The following SIPA1L3 variants were observed in gnomAD, a reference collection of about 807,000 sequenced individuals.
SIPA1L3 encodes signal-induced proliferation-associated 1-like protein 3.
A neutral mutation model predicts 150.1 loss-of-function variants in SIPA1L3; 59 were observed. The ratio of observed to expected loss-of-function variants is 0.39; its 90% confidence interval spans 0.32 to 0.49. The LOEUF (loss-of-function observed/expected upper bound fraction) is 0.49. Among genes scored for constraint, SIPA1L3 ranks in the 20% least tolerant of loss-of-function variants. The pLI is 0.86. For synonymous variants in SIPA1L3, 1,070 were observed against 1,077.6 expected (o/e 0.99, Z 0.14); for missense variants, 2,211 against 2,489.5 (o/e 0.89, Z 2.38).
At chr19:38,172,611 C>G (rs942772800) in intron 15 of SIPA1L3, among the ~76,000 whole-genome samples, 10 of 152,074 alleles carry the variant, frequency 6.6e-5, no homozygotes, top group Admixed American at 5.2e-4. Context: ...TGAACTTACT[C>G]TCAATGCTCC....
chr19:38,116,256 TCC>T (rs1446446448), intron 8 of SIPA1L3, among the ~76,000 whole-genome samples: 6 of 152,064 alleles, frequency 3.9e-5, no homozygotes, highest in Non-Finnish European at 8.8e-5. Flanking sequence ...ACACCTGTAA[TCC>T]CAGCACTTTG....
In SIPA1L3 at chr19:38,119,869, T is replaced by C; in HGVS notation, c.2855T>C (p.Val952Ala). Residue 952 changes from valine to alanine, a missense_variant, in exon 9 of 22, where the codon GTG (valine) becomes GCG (alanine). Physicochemically the swap from Val to Ala is moderately conservative, Grantham distance 64. This residue lies in a region of SIPA1L3 where 625 missense variants were observed against 804.2 expected (regional missense o/e 0.78). Coordinates refer to ENST00000222345, the MANE Select transcript of SIPA1L3 (RefSeq NM_015073.3). ...EGSVEDIREI[V>A]QRLKVMTSGW... Reference sequence around the variant, plus strand: ...TCTGTGGAGGACATAAGGGAGATAGTGCAGAGACTGAAGGTAAGGGAGAGA... The same window carrying C: ...TCTGTGGAGGACATAAGGGAGATAGCGCAGAGACTGAAGGTAAGGGAGAGA... The C allele has an allele frequency of 1.9e-6, 3 of 1,606,590 alleles. No individual in the cohort carries two copies. Among genetic ancestry groups the C allele is most frequent in the Non-Finnish European group, 2.5e-6 (3 of 1,177,062 alleles).
intron 1 of SIPA1L3, among the ~76,000 whole-genome samples, chr19:37,971,754 A>G (rs1966945008): frequency 6.6e-6 from 1 of 151,856 alleles, no homozygotes; most frequent in Non-Finnish European, 1.5e-5. Flanking sequence ...TTTATTAGAG[A>G]CGGGGTTTCA....
At chr19:38,161,057 T>C (rs185536412) in intron 13 of SIPA1L3, among the ~76,000 whole-genome samples, 16 of 152,238 alleles carry the variant, frequency 1.1e-4, no homozygotes, top group Admixed American at 9.2e-4. Context: ...TTTAAAAAAG[T>C]TGTGGGCCGG....
chr19:37,981,060 C>T (rs1200107919), intron 1 of SIPA1L3, among the ~76,000 whole-genome samples: 1 of 152,200 alleles, frequency 6.6e-6, no homozygotes, highest in African/African-American at 2.4e-5. Context: ...ATAGTGAGTG[C>T]TCAAGATGTG....
intron 10 of SIPA1L3, among the ~76,000 whole-genome samples, chr19:38,132,768 C>G (rs1971343371): frequency 6.6e-6 from 1 of 151,450 alleles, no homozygotes; most frequent in South Asian, 2.1e-4. Context: ...CTGTGTCAGC[C>G]TCCTGAGTAG....
At chr19:38,113,855 G>A (rs1006657805) in intron 8 of SIPA1L3, among the ~76,000 whole-genome samples, 2 of 152,068 alleles carry the variant, frequency 1.3e-5, no homozygotes, top group South Asian at 2.1e-4. Flanking sequence ...TGGTGATCAG[G>A]TGACCACCAG....
chr19:37,920,850 G>A (rs1364199189), intron 1 of SIPA1L3, among the ~76,000 whole-genome samples: 1 of 152,230 alleles, frequency 6.6e-6, no homozygotes, highest in Non-Finnish European at 1.5e-5. Context: ...AGCGAACACC[G>A]TGGCACTGGC....
chr19:37,974,007 C>T (rs1967012917), intron 1 of SIPA1L3, among the ~76,000 whole-genome samples: 1 of 152,174 alleles, frequency 6.6e-6, no homozygotes, highest in Non-Finnish European at 1.5e-5. Context: ...AGCAAATTAA[C>T]AGGACATGGG....
At chr19:38,086,170 G>T (rs1457417550) in intron 3 of SIPA1L3, among the ~76,000 whole-genome samples, 1 of 151,996 alleles carries the variant, frequency 6.6e-6, no homozygotes, top group African/African-American at 2.4e-5. Context: ...CACTGTATAT[G>T]TATTAACTTT....
chr19:38,044,543 A>G (rs1450251833), intron 2 of SIPA1L3, among the ~76,000 whole-genome samples: 1 of 152,054 alleles, frequency 6.6e-6, no homozygotes, highest in East Asian at 1.9e-4. Flanking sequence ...TGGGAGGCAC[A>G]AAAGGCTGAA....
intron 15 of SIPA1L3, among the ~76,000 whole-genome samples, chr19:38,179,906 A>G (rs1320613943): frequency 6.6e-6 from 1 of 151,856 alleles, no homozygotes; most frequent in Admixed American, 6.6e-5. Flanking sequence ...GCAGTGGCGC[A>G]ATCTCAGCTC....
At chr19:38,205,435 C>T (rs950934305) in intron 21 of SIPA1L3, among the ~76,000 whole-genome samples, 15 of 132,684 alleles carry the variant, frequency 1.1e-4, no homozygotes, top group Admixed American at 1.1e-3. Flanking sequence ...CCAGCTTGGG[C>T]GACAAGAGCA....
At chr19:38,157,494 C>T (rs1971975635) in intron 13 of SIPA1L3, among the ~76,000 whole-genome samples, 1 of 152,162 alleles carries the variant, frequency 6.6e-6, no homozygotes, top group Non-Finnish European at 1.5e-5. Context: ...TAAGCTCCAC[C>T]CACAACCCCT....
In SIPA1L3 at chr19:38,193,713, G is replaced by A. The variant is rs1257334368; in HGVS notation, c.4773G>A (p.Gln1591=). The A allele has an allele frequency of 1.9e-6, 3 of 1,570,490 alleles. No individual in the cohort carries two copies. The African/African-American group carries it at 4.1e-5, about 21-fold the overall frequency. ...CGCTGCCTGCACGCCGCCAGCACCAGCACCCCCACCCGCCCGTCGGCCCCG... is the reference window on the plus strand; with the variant it reads ...CGCTGCCTGCACGCCGCCAGCACCAACACCCCCACCCGCCCGTCGGCCCCG... The part of the protein sequence containing the change: ...SSTLPARRQH[Q]HPHPPVGPGA... The change falls in exon 18 of 22, where the codon CAG becomes CAA. Residue 1591 remains glutamine, a synonymous_variant. Coordinates refer to ENST00000222345, the MANE Select transcript of SIPA1L3 (RefSeq NM_015073.3).
chr19:38,096,822 G>A (rs1248643962), intron 4 of SIPA1L3, among the ~76,000 whole-genome samples: 1 of 152,178 alleles, frequency 6.6e-6, no homozygotes. Flanking sequence ...AGATTAGCAT[G>A]CCTGGTGATT....
At chr19:38,104,860 C>A (rs1009738224) in intron 6 of SIPA1L3, among the ~76,000 whole-genome samples, 3 of 151,740 alleles carry the variant, frequency 2.0e-5, no homozygotes, top group African/African-American at 7.3e-5. Context: ...TGTGAGCCAC[C>A]GCGCCTGGCC....
intron 12 of SIPA1L3, among the ~76,000 whole-genome samples, chr19:38,143,370 CCTT>C (rs1971634994): frequency 6.6e-6 from 1 of 151,858 alleles, no homozygotes; most frequent in Non-Finnish European, 1.5e-5. Context: ...GTGAATGTCC[CCTT>C]CCTCCTCCTC....
intron 1 of SIPA1L3, among the ~76,000 whole-genome samples, chr19:38,026,924 A>C (rs575357075): frequency 5.3e-5 from 8 of 152,224 alleles, no homozygotes; most frequent in Non-Finnish European, 7.3e-5. Flanking sequence ...CAAATATCAC[A>C]AAATATCATT....
Sources: allele counts gnomAD v4.1 joint callset (sites outside exome capture counted in the v4.1 genomes callset), GRCh38; gene constraint gnomAD v4.1.1; regional missense constraint gnomAD v4.1.1; transcripts MANE v1.5; gene names NCBI Gene and HGNC (gene_info 2026-07-23, HGNC 2026-07-21).